SYDE2: variants seen among roughly 807,000 people sequenced by gnomAD.
The protein encoded by SYDE2 is rho GTPase-activating protein SYDE2.
Under a neutral mutation model 91.5 loss-of-function variants are expected in SYDE2, and 76 were observed. The ratio of observed to expected loss-of-function variants is 0.83; its 90% confidence interval spans 0.69 to 1.01. The LOEUF (loss-of-function observed/expected upper bound fraction) is 1.01, where lower values mean the gene tolerates loss of function less well. Among genes scored for constraint, SYDE2 ranks in the 50% least tolerant of loss-of-function variants. The pLI is 0.00. For missense variants in SYDE2, 1,364 were observed against 1,367.7 expected (o/e 1.00, Z 0.04); for synonymous variants, 513 against 506.4 (o/e 1.01, Z -0.18).
intron 3 of SYDE2, among the ~76,000 whole-genome samples, chr1:85,180,810 G>T (rs1164441701): frequency 6.6e-6 from 1 of 151,918 alleles, no homozygotes; most frequent in Admixed American, 6.6e-5. Flanking sequence ...TCAGAAAATA[G>T]ACTGTAAAAA....
At chr1:85,197,221 G>A (rs1283576919) in intron 1 of SYDE2, among the ~76,000 whole-genome samples, 1 of 152,024 alleles carries the variant, frequency 6.6e-6, no homozygotes, top group African/African-American at 2.4e-5. Flanking sequence ...GCCAATCTGC[G>A]AACACTACAT....
At chr1:85,160,599 T>C in intron 6 of SYDE2, 2 of 985,436 alleles carry the variant, frequency 2.0e-6, no homozygotes, top group Non-Finnish European at 2.4e-6. Flanking sequence ...TTCCACTGTG[T>C]AATTATTCAT....
chr1:85,167,705 G>A (rs79524157), intron 5 of SYDE2, among the ~76,000 whole-genome samples: 3,650 of 152,326 alleles, frequency 0.024, 154 homozygotes, highest in African/African-American at 0.083. Flanking sequence ...ATGGGCCTTA[G>A]AGTCAGAAAG....
chr1:85,187,205 G>A (rs1209214474), intron 2 of SYDE2, among the ~76,000 whole-genome samples: 1 of 152,154 alleles, frequency 6.6e-6, no homozygotes, highest in Non-Finnish European at 1.5e-5. Context: ...AGTGGGCGAA[G>A]GACATGAACA....
In SYDE2 at chr1:85,158,809, T is replaced by C. The variant is rs747403561; in HGVS notation, c.3526A>G (p.Thr1176Ala). Reference sequence around the variant, plus strand: ...TCACGTTCCAGATTTCCAATCAAAGTATCAATACTTTCTTGTAGATCTTTG... The same window carrying C: ...TCACGTTCCAGATTTCCAATCAAAGCATCAATACTTTCTTGTAGATCTTTG... ...NLKDLQESIDTLIGNLERELN... is the reference protein window; with the variant it reads ...NLKDLQESIDALIGNLERELN... Residue 1176 changes from threonine (T) to alanine (A), a missense_variant, in exon 7 of 7, where the codon ACT (threonine) becomes GCT (alanine). By Grantham distance (58) the Thr-to-Ala change is moderately conservative. Transcript: ENST00000341460. 3 of 769,900 alleles carry C rather than the reference T, an allele frequency of 3.9e-6. No individual in the cohort carries two copies. The highest frequency in any genetic ancestry group is 7.2e-6 in the Non-Finnish European group (3 of 414,536). The allele number at this position is 769,900 out of a possible 1,614,324, so 47.7% of individuals were successfully genotyped here.
chr1:85,198,886 T>C (rs1004215255), intron 1 of SYDE2, among the ~76,000 whole-genome samples: 1 of 152,206 alleles, frequency 6.6e-6, no homozygotes, highest in Non-Finnish European at 1.5e-5. Flanking sequence ...ATGTTTAATA[T>C]GAACTTAGTA....
At chr1:85,176,201 T>C (rs1038836897) in intron 4 of SYDE2, among the ~76,000 whole-genome samples, 1 of 152,160 alleles carries the variant, frequency 6.6e-6, no homozygotes, top group Non-Finnish European at 1.5e-5. Context: ...CATGGATTCA[T>C]AAAATGAGTC....
At chr1:85,174,331 T>C (rs958787723) in intron 4 of SYDE2, among the ~76,000 whole-genome samples, 1 of 152,232 alleles carries the variant, frequency 6.6e-6, no homozygotes, top group Non-Finnish European at 1.5e-5. Flanking sequence ...CTTGACTTTA[T>C]TGATAGTTAC....
rs745491934 is a variant in SYDE2, at chr1:85,182,195, A to G, written c.2447T>C (p.Val816Ala). 6.8e-6 allele frequency: 11 copies of G among 1,608,170 alleles called. No individual in the cohort carries two copies. The highest frequency in any genetic ancestry group is 9.3e-6 in the Non-Finnish European group (11 of 1,176,986). ...DINQEPIIFG[V>A]DIQKVVEKEN... is the part of the protein sequence containing the mutation. ...TTTCTCTACAACTTTTTGAATATCA[A>G]CTCCAAATATTATTGGTTCTTGGTT... The change falls in exon 3 of 7, where the codon GTT becomes GCT. Residue 816 changes from valine to alanine, a missense_variant. Transcript: ENST00000341460.
intron 2 of SYDE2, among the ~76,000 whole-genome samples, chr1:85,185,562 G>A (rs979722965): frequency 2.6e-5 from 4 of 152,038 alleles, no homozygotes; most frequent in Admixed American, 2.6e-4. Context: ...TTCTCTTTGA[G>A]GCAATTGTGA....
chr1:85,191,076 C>A (rs1318379817), intron 1 of SYDE2, among the ~76,000 whole-genome samples: 1 of 151,928 alleles, frequency 6.6e-6, no homozygotes, highest in Non-Finnish European at 1.5e-5. Context: ...ATCTAGAATG[C>A]TTTATTCATA....
intron 4 of SYDE2, among the ~76,000 whole-genome samples, chr1:85,173,200 TG>T (rs1657564185): frequency 6.6e-6 from 1 of 152,008 alleles, no homozygotes; most frequent in Admixed American, 6.6e-5. Context: ...TCTTATAAAA[TG>T]GGGGACACAG....
At chr1:85,180,511 G>A (rs1252860410) in intron 3 of SYDE2, among the ~76,000 whole-genome samples, 3 of 152,030 alleles carry the variant, frequency 2.0e-5, no homozygotes, top group Non-Finnish European at 4.4e-5. Flanking sequence ...CTAACATGGT[G>A]AAACCCTGTC....
At chr1:85,194,932 G>A (rs539374001) in intron 1 of SYDE2, 16 of 555,596 alleles carry the variant, frequency 2.9e-5, no homozygotes, top group South Asian at 2.4e-4. Flanking sequence ...AGGCCAAGGC[G>A]GGCGGATCAC....
intron 2 of SYDE2, among the ~76,000 whole-genome samples, chr1:85,189,175 T>C (rs529083726): frequency 6.6e-6 from 1 of 152,324 alleles, no homozygotes; most frequent in South Asian, 2.1e-4. Context: ...TTAGGTTCCA[T>C]AACTACTGTA....
chr1:85,200,569 T>C lies in SYDE2; in HGVS notation c.428A>G (p.Gln143Arg). 1.9e-6 allele frequency: 3 copies of C among 1,598,678 alleles called. No individual in the cohort carries two copies. Among genetic ancestry groups the C allele is most frequent in the Non-Finnish European group, 2.6e-6 (3 of 1,174,658 alleles). Reference sequence around the variant, plus strand: ...GCCGTGGTCCTTGCAGCCTGGAGGCTGGAGGCCGGTGGGTGCAGCCGCCCG... The same window carrying C: ...GCCGTGGTCCTTGCAGCCTGGAGGCCGGAGGCCGGTGGGTGCAGCCGCCCG... ...RARAAAPTGL[Q>R]PPGCKDHGCS... Residue 143 changes from glutamine (Q) to arginine (R), a missense_variant, in exon 1 of 7, where the codon CAG becomes CGG. Coordinates refer to ENST00000341460, the MANE Select transcript of SYDE2 (RefSeq NM_032184.2).
rs551535024 is a variant in SYDE2 at position 85,182,538 on chromosome 1, C to T, written c.2104G>A (p.Val702Ile). The change falls in exon 3 of 7, where the codon GTC (valine) becomes ATC (isoleucine). Residue 702 changes from valine (V) to isoleucine (I), a missense_variant. Transcript: ENST00000341460. ...LKPPRIDSKD[V>I]FCAIQVDSVN... is the part of the protein sequence containing the mutation. ...GAATCTACCTGAATTGCACAAAAGA[C>T]GTCTTTTGAATCTATCCGAGGTGGT... is the stretch of plus-strand genomic sequence containing the variant. 2.4e-5 allele frequency: 38 copies of T among 1,613,872 alleles called. No individual in the cohort carries two copies. The highest frequency in any genetic ancestry group is 1.3e-4 in the South Asian group (12 of 91,066).
Position 85,158,593 on chromosome 1 carries a change from T to G in SYDE2, c.*157A>C, listed in dbSNP as rs1656942972. The G allele has an allele frequency of 1.9e-6, 1 of 520,016 alleles. No individual in the cohort carries two copies. Among genetic ancestry groups the G allele is most frequent in the Non-Finnish European group, 3.4e-6 (1 of 297,820 alleles). 32.2% of individuals were successfully genotyped at this position (520,016 alleles called of 1,614,324 possible). A position where few individuals can be genotyped will look rare whatever the true frequency, so the allele number is the denominator to read the frequency against. On this transcript the variant is annotated 3_prime_UTR_variant, in exon 7 of 7. Coordinates refer to ENST00000341460, the MANE Select transcript of SYDE2 (RefSeq NM_032184.2). ...CTAGTGAGATAAGTAAAAATTGTAT[T>G]AATGAATAGTGTTTTTAATTGAATC...
intron 1 of SYDE2, among the ~76,000 whole-genome samples, chr1:85,192,473 G>A (rs2100689994): frequency 6.6e-6 from 1 of 152,034 alleles, no homozygotes; most frequent in African/African-American, 2.4e-5. Context: ...CAACCAAGCA[G>A]ATTAATAATA....
Sources: gnomAD v4.1 joint callset for allele counts (sites outside exome capture counted in the v4.1 genomes callset) on GRCh38, gnomAD v4.1.1 for gene constraint, MANE v1.5 for transcripts, NCBI Gene and HGNC (gene_info 2026-07-23, HGNC 2026-07-21) for gene names.